Variants in DENND5A observed in about 807,000 individuals in gnomAD.
DENND5A encodes DENN domain containing 5A.
Under a neutral mutation model 140.3 loss-of-function variants are expected in DENND5A, and 64 were observed. That is an observed-to-expected ratio of 0.46 (90% CI 0.37 to 0.56). DENND5A has a LOEUF of 0.56. Among genes scored for constraint, DENND5A ranks in the 20% least tolerant of loss-of-function variants. The pLI is 0.00. For missense variants in DENND5A, 1,292 were observed against 1,593.8 expected, an observed-to-expected ratio of 0.81 and a Z score of 3.22; for synonymous variants, 605 against 607.7, an observed-to-expected ratio of 1.00 and a Z score of 0.07.
chr11:9,226,788 C>CAAAT lies in DENND5A; in HGVS notation c.110-19160_110-19157dup, dbSNP rs376620340. On this transcript the variant is annotated intron_variant, in intron 1 of 22. Transcript: ENST00000328194. ...CCCCATAATTCATCACCATGTCCTA[C>CAAAT]AAATATTACTGAATGTGCAAGACTC... 2.6e-3 allele frequency among the ~76,000 whole-genome samples: 394 copies of CAAAT among 152,272 alleles called. 2 individuals are homozygous for CAAAT. The highest frequency in any genetic ancestry group is 8.9e-3 in the African/African-American group (370 of 41,572).
In DENND5A at chr11:9,138,892, TTAA is replaced by T. The variant is rs1160836864; in HGVS notation, c.*776_*778del. The T allele has an allele frequency of 3.3e-5, 5 of 152,098 alleles. No homozygotes were observed. The highest frequency in any genetic ancestry group is 5.9e-5 in the Non-Finnish European group (4 of 68,020). The allele number at this position is 152,098 out of a possible 1,614,324, so 9.4% of individuals were successfully genotyped here. A position where few individuals can be genotyped will look rare whatever the true frequency, so the allele number is the denominator to read the frequency against. ...GGTTTCTAAGTTGCAAAACATAAATTTAATAATAATAACATAGCCAGTTAGATT... is the reference window on the plus strand; with the variant it reads ...GGTTTCTAAGTTGCAAAACATAAATTTAATAATAACATAGCCAGTTAGATT... On this transcript the variant is annotated 3_prime_UTR_variant, in exon 23 of 23. Coordinates refer to ENST00000328194, the MANE Select transcript of DENND5A (RefSeq NM_015213.4).
chr11:9,199,774 G>C (rs948096707), intron 4 of DENND5A, among the ~76,000 whole-genome samples: 13 of 152,164 alleles, frequency 8.5e-5, no homozygotes, highest in African/African-American at 2.9e-4. Flanking sequence ...AGTGGTGATA[G>C]CTTGTTTTTG....
intron 5 of DENND5A, among the ~76,000 whole-genome samples, chr11:9,193,089 ATCGTGGCACACTCC>A (rs1849195848): frequency 6.6e-6 from 1 of 152,148 alleles, no homozygotes; most frequent in Middle Eastern, 3.2e-3. Flanking sequence ...TTAGCTGGGC[ATCGTGGCACACTCC>A]TTTAGTCCCA....
At position 9,166,032 on chromosome 11, in the gene DENND5A, T is replaced by C. The variant is rs146781631; in HGVS notation, c.2152-65A>G. The C allele has an allele frequency of 4.7e-6, 7 of 1,500,048 alleles. No homozygotes were observed. The Admixed American group carries it at 1.1e-4, about 23-fold the overall frequency. The allele number at this position is 1,500,048 out of a possible 1,614,324, so 92.9% of individuals were successfully genotyped here. ...TACATAAACCAAAGGTCAGCAGTAC[T>C]GGTGGGTGCCTGAAGAGGGCATTAT... On this transcript the variant is annotated intron_variant, in intron 10 of 22. Transcript: ENST00000328194.
chr11:9,152,574 G>A (rs1171786643), intron 12 of DENND5A, 132 bp from the exon 13 acceptor site: 2 of 681,278 alleles, frequency 2.9e-6, no homozygotes, highest in African/African-American at 1.8e-5. Flanking sequence ...CCAGGACACA[G>A]TGTATGCAAA....
intron 1 of DENND5A, among the ~76,000 whole-genome samples, chr11:9,213,706 C>T (rs988797893): frequency 1.3e-5 from 2 of 149,774 alleles, no homozygotes; most frequent in African/African-American, 2.5e-5. Context: ...ACCTGGGAGG[C>T]TGAGATGGCA....
Position 9,145,823 on chromosome 11 carries a change from G to A in DENND5A, c.2858-8C>T, listed in dbSNP as rs1214730599. 1.1e-5 allele frequency: 17 copies of A among 1,613,956 alleles called. No individual in the cohort carries two copies. Among genetic ancestry groups the A allele is most frequent in the South Asian group, 2.2e-5 (2 of 91,064 alleles). On this transcript the variant is annotated splice_polypyrimidine_tract_variant and splice_region_variant and intron_variant, in intron 16 of 22. Transcript: ENST00000328194. Reference sequence around the variant, plus strand: ...GAATGTGGTACGGGATCACTGTTTAGGGGAAGCCACAAAAGTATTGAGGAG... The same window carrying A: ...GAATGTGGTACGGGATCACTGTTTAAGGGAAGCCACAAAAGTATTGAGGAG...
At chr11:9,238,316 G>A (rs1332452187) in intron 1 of DENND5A, among the ~76,000 whole-genome samples, 1 of 151,460 alleles carries the variant, frequency 6.6e-6, no homozygotes, top group East Asian at 1.9e-4. Flanking sequence ...GTAAAATCTG[G>A]AAAGAACTGA....
chr11:9,254,932 G>A (rs371010456), intron 1 of DENND5A, among the ~76,000 whole-genome samples: 10 of 151,752 alleles, frequency 6.6e-5, no homozygotes, highest in Admixed American at 5.3e-4. Flanking sequence ...TTAGCTGGGC[G>A]TGATGGCAGA....
At chr11:9,243,087 CA>C (rs539119487) in intron 1 of DENND5A, among the ~76,000 whole-genome samples, 18 of 66,888 alleles carry the variant, frequency 2.7e-4, no homozygotes, top group South Asian at 7.1e-4. Flanking sequence ...GACTCTGTCT[CA>C]AAAAAAAAAA....
intron 1 of DENND5A, among the ~76,000 whole-genome samples, chr11:9,211,082 T>C (rs1247581991): frequency 6.6e-6 from 1 of 152,190 alleles, no homozygotes; most frequent in Non-Finnish European, 1.5e-5. Context: ...GTAATGATAC[T>C]GGGTGAGTTT....
intron 22 of DENND5A, 57 bp from the exon 23 acceptor site, chr11:9,139,911 A>C: frequency 6.4e-7 from 1 of 1,550,400 alleles, no homozygotes; most frequent in Non-Finnish European, 8.8e-7. Context: ...AGGAAGAGAG[A>C]GCGTTAGTGC....
chr11:9,158,175 G>C (rs1305870456), intron 12 of DENND5A, among the ~76,000 whole-genome samples: 2 of 152,182 alleles, frequency 1.3e-5, no homozygotes, highest in Non-Finnish European at 2.9e-5. Flanking sequence ...CAAAGAGCCA[G>C]AAACCAGGCT....
intron 11 of DENND5A, among the ~76,000 whole-genome samples, chr11:9,164,056 G>GTTTGT (rs1848088296): frequency 1.7e-5 from 1 of 57,958 alleles, no homozygotes; most frequent in Non-Finnish European, 3.2e-5. Flanking sequence ...TATTAATCAG[G>GTTTGT]TTTTTTTTTT....
chr11:9,187,991 A>T lies in DENND5A; in HGVS notation c.1137+5503T>A, dbSNP rs183498852. On this transcript the variant is annotated intron_variant, in intron 5 of 22. Coordinates refer to ENST00000328194, the MANE Select transcript of DENND5A (RefSeq NM_015213.4). ...TAAACCAAGCTTGCCCCACCTCACT[A>T]CCCTGATGATGCCCCCTTATACGGT... Among the ~76,000 whole-genome samples, 52 of 152,098 alleles carry T rather than the reference A, an allele frequency of 3.4e-4. 1 individual carries two copies. The East Asian group carries it at 9.9e-3, about 29-fold the overall frequency.
chr11:9,170,864 T>C, intron 8 of DENND5A, 87 bp from the exon 9 acceptor site: 1 of 1,562,892 alleles, frequency 6.4e-7, no homozygotes, highest in South Asian at 1.2e-5. Flanking sequence ...TTTAAGAATC[T>C]AGCTACTCTT....
chr11:9,260,983 G>A (rs1590352462), intron 1 of DENND5A, among the ~76,000 whole-genome samples: 2 of 152,036 alleles, frequency 1.3e-5, no homozygotes, highest in Non-Finnish European at 2.9e-5. Context: ...TGAGCAGCTG[G>A]GACCACAGGT....
chr11:9,169,495 G>GCGCACACA (rs1554916426), intron 10 of DENND5A, among the ~76,000 whole-genome samples: 4 of 145,716 alleles, frequency 2.7e-5, no homozygotes, highest in African/African-American at 7.6e-5. Flanking sequence ...ATATACACAC[G>GCGCACACA]CACACACACA....
intron 1 of DENND5A, among the ~76,000 whole-genome samples, chr11:9,243,902 A>G (rs996307248): frequency 1.4e-4 from 22 of 152,170 alleles, no homozygotes; most frequent in Admixed American, 4.6e-4. Context: ...ACAAAAAATA[A>G]TATTTTATTT....
Sources: gnomAD v4.1 joint callset for allele counts (sites outside exome capture counted in the v4.1 genomes callset) on GRCh38, gnomAD v4.1.1 for gene constraint, MANE v1.5 for transcripts, NCBI Gene and HGNC (gene_info 2026-07-23, HGNC 2026-07-21) for gene names.